The following UBTD1 variants were observed in gnomAD, a reference collection of about 807,000 sequenced individuals.
UBTD1 encodes ubiquitin domain-containing protein 1.
UBTD1 carries 19 observed loss-of-function variants against 21.7 expected under a neutral mutation model. The observed-to-expected ratio is 0.87, with a 90% CI of 0.61 to 1.28. UBTD1 has a LOEUF of 1.28. Among genes scored for constraint, UBTD1 ranks in the 50% most tolerant of loss-of-function variants. The pLI, the probability that UBTD1 is intolerant of heterozygous loss-of-function variation, is 0.00. For missense variants in UBTD1, 282 were observed against 315.1 expected (o/e 0.89, Z 0.80); for synonymous variants, 116 against 135.1 (o/e 0.86, Z 0.98).
In UBTD1 at chr10:97,566,409, A is replaced by T. The variant is rs576692477; in HGVS notation, c.71-1505A>T. On this transcript the variant is annotated intron_variant, in intron 1 of 2. Transcript: ENST00000370664. Reference sequence around the variant, plus strand: ...CTTCTGCCACCTCACCACCCCAGGAACACTTTAAATTAAATATTTGGCTTT... The same window carrying T: ...CTTCTGCCACCTCACCACCCCAGGATCACTTTAAATTAAATATTTGGCTTT... Among the ~76,000 whole-genome samples the T allele has an allele frequency of 2.5e-4, 38 of 152,294 alleles. No homozygotes were observed. The South Asian group carries it at 7.9e-3, about 32-fold the overall frequency.
chr10:97,566,865 C>T (rs1452345405), intron 1 of UBTD1, among the ~76,000 whole-genome samples: 3 of 152,020 alleles, frequency 2.0e-5, no homozygotes, highest in Admixed American at 2.0e-4. Context: ...CTCCAAAAGC[C>T]TTTGAGAGAT....
chr10:97,557,169 A>G (rs934105301), intron 1 of UBTD1, among the ~76,000 whole-genome samples: 1 of 152,214 alleles, frequency 6.6e-6, no homozygotes, highest in Non-Finnish European at 1.5e-5. Context: ...ACTGGGCTAC[A>G]TGTTTGGCTA....
At chr10:97,510,040 G>A (rs938028296) in intron 1 of UBTD1, among the ~76,000 whole-genome samples, 1 of 151,500 alleles carries the variant, frequency 6.6e-6, no homozygotes, top group African/African-American at 2.4e-5. Flanking sequence ...TCAGCTCACT[G>A]CAATCTCTGC....
intron 1 of UBTD1, among the ~76,000 whole-genome samples, chr10:97,532,165 C>G (rs962159981): frequency 6.6e-6 from 1 of 152,156 alleles, no homozygotes; most frequent in Non-Finnish European, 1.5e-5. Context: ...GTGGAGGGAG[C>G]ACCTTGGGTC....
intron 1 of UBTD1, among the ~76,000 whole-genome samples, chr10:97,552,393 CTTTTTT>C (rs60160152): frequency 3.3e-5 from 4 of 119,860 alleles, no homozygotes; most frequent in Non-Finnish European, 4.9e-5. Context: ...ATTATACACC[CTTTTTT>C]TTTTTTTTTT....
chr10:97,535,474 G>A (rs1373287732), intron 1 of UBTD1, among the ~76,000 whole-genome samples: 1 of 152,106 alleles, frequency 6.6e-6, no homozygotes, highest in Non-Finnish European at 1.5e-5. Flanking sequence ...AATTAGCTGG[G>A]CGTGGTGGCA....
In UBTD1 at chr10:97,499,239, G is replaced by C; in HGVS notation, c.36G>C (p.Arg12Ser). 1.3e-6 allele frequency: 2 copies of C among 1,548,412 alleles called. No individual in the cohort carries two copies. The highest frequency in any genetic ancestry group is 1.7e-6 in the Non-Finnish European group (2 of 1,145,816). The change falls in exon 1 of 3, where the codon AGG becomes AGC. Residue 12 changes from arginine to serine, a missense_variant. Transcript: ENST00000370664. Reference sequence around the variant, plus strand: ...GCGTGGGGAGACAGCGCCGGGAGAGGCCGGCAGCCCCGGGACACCCCCGCA... The same window carrying C: ...GCGTGGGGAGACAGCGCCGGGAGAGCCCGGCAGCCCCGGGACACCCCCGCA... ...GNCVGRQRRE[R>S]PAAPGHPRKR... is the part of the protein sequence containing the mutation.
intron 1 of UBTD1, among the ~76,000 whole-genome samples, chr10:97,563,459 A>G (rs987397057): frequency 4.6e-5 from 7 of 152,314 alleles, no homozygotes; most frequent in Admixed American, 4.6e-4. Flanking sequence ...AATGGCTAGG[A>G]GAGAGTGAGT....
chr10:97,553,760 C>T (rs2040651409), intron 1 of UBTD1, among the ~76,000 whole-genome samples: 1 of 152,142 alleles, frequency 6.6e-6, no homozygotes, highest in South Asian at 2.1e-4. Flanking sequence ...TTACATTAAC[C>T]CTGCCTGCCC....
intron 1 of UBTD1, among the ~76,000 whole-genome samples, chr10:97,563,425 ATTGT>A (rs1182177800): frequency 6.6e-6 from 1 of 152,204 alleles, no homozygotes; most frequent in African/African-American, 2.4e-5. Flanking sequence ...AAAGCCAGTA[ATTGT>A]TTGTTAAAGA....
At chr10:97,500,297 G>A (rs12356581) in intron 1 of UBTD1, among the ~76,000 whole-genome samples, 4,363 of 152,314 alleles carry the variant, frequency 0.029, 86 homozygotes, top group Non-Finnish European at 0.046. Flanking sequence ...AACTCTAGTT[G>A]GAGTTTCCTG....
chr10:97,568,845 C>T (rs890342147), intron 2 of UBTD1, among the ~76,000 whole-genome samples: 23 of 151,840 alleles, frequency 1.5e-4, no homozygotes, highest in Admixed American at 1.0e-3. Context: ...TTTTTTGAGA[C>T]GGAGTTTCCC....
chr10:97,569,827 C>G (rs1487216213), intron 2 of UBTD1, among the ~76,000 whole-genome samples: 2 of 151,760 alleles, frequency 1.3e-5, no homozygotes, highest in African/African-American at 4.8e-5. Flanking sequence ...CACCTGTAGT[C>G]TCAGCTGCTC....
chr10:97,520,950 CCTT>C (rs1212810640), intron 1 of UBTD1, among the ~76,000 whole-genome samples: 6 of 152,252 alleles, frequency 3.9e-5, no homozygotes, highest in Non-Finnish European at 7.4e-5. Context: ...TCTGCTGTGA[CCTT>C]CTTCCCATAG....
rs2040690087 is a variant in UBTD1 at position 97,561,058 on chromosome 10, T to TA, written c.71-6855dup. Among the ~76,000 whole-genome samples, 3 of 152,254 alleles carry TA rather than the reference T, an allele frequency of 2.0e-5. No individual in the cohort carries two copies. The East Asian group carries it at 5.8e-4, about 29-fold the overall frequency. ...TGGGGCAAGTTCCAAAGACTAGTCT[T>TA]ACCAAGTTTCAGATGTCCGGACTCC... On this transcript the variant is annotated intron_variant, in intron 1 of 2. Transcript: ENST00000370664.
chr10:97,529,451 C>T (rs894357452), intron 1 of UBTD1, among the ~76,000 whole-genome samples: 2 of 152,240 alleles, frequency 1.3e-5, no homozygotes, highest in South Asian at 2.1e-4. Context: ...GAGATCACGC[C>T]GCTGCACTCC....
chr10:97,553,719 A>G (rs7097951), intron 1 of UBTD1, among the ~76,000 whole-genome samples: 140,212 of 152,206 alleles, frequency 0.92, 65,281 homozygotes, highest in East Asian at 0.99. Flanking sequence ...GTGATGACTG[A>G]GAAGGCAACG....
rs144141945 is a variant in UBTD1 at position 97,568,723 on chromosome 10, C to T, written c.298+582C>T. 7.5e-4 allele frequency among the ~76,000 whole-genome samples: 114 copies of T among 152,236 alleles called. No individual in the cohort carries two copies. The East Asian group carries it at 0.021, about 28-fold the overall frequency. On this transcript the variant is annotated intron_variant, in intron 2 of 2. Coordinates refer to ENST00000370664, the MANE Select transcript of UBTD1 (RefSeq NM_024954.5). Reference sequence around the variant, plus strand: ...TATTGGGTTGTTATGTGCTGGACACCGAACTAGAAACTTCCACTGCATTAG... The same window carrying T: ...TATTGGGTTGTTATGTGCTGGACACTGAACTAGAAACTTCCACTGCATTAG...
chr10:97,509,363 A>G (rs1303359104), intron 1 of UBTD1, among the ~76,000 whole-genome samples: 1 of 152,252 alleles, frequency 6.6e-6, no homozygotes, highest in East Asian at 1.9e-4. Context: ...TACATCATTT[A>G]GAGTAGTGAA....
Sources: gnomAD v4.1 joint callset for allele counts (sites outside exome capture counted in the v4.1 genomes callset) on GRCh38, gnomAD v4.1.1 for gene constraint, MANE v1.5 for transcripts, NCBI Gene and HGNC (gene_info 2026-07-23, HGNC 2026-07-21) for gene names.